The following SHC3 variants were observed in gnomAD, a reference collection of about 807,000 sequenced individuals.
SHC3 encodes the protein SHC adaptor protein 3.
Under a neutral mutation model 60.4 loss-of-function variants are expected in SHC3, and 15 were observed. The observed-to-expected ratio is 0.25, with a 90% CI of 0.17 to 0.38. The LOEUF (loss-of-function observed/expected upper bound fraction) is 0.38, where lower values mean the gene tolerates loss of function less well. Among genes scored for constraint, SHC3 ranks in the 10% least tolerant of loss-of-function variants. The pLI is 1.00. For missense variants in SHC3, 677 were observed against 786.1 expected, an observed-to-expected ratio of 0.86 and a Z score of 1.66; for synonymous variants, 294 against 325.9, an observed-to-expected ratio of 0.90 and a Z score of 1.05.
intron 2 of SHC3, among the ~76,000 whole-genome samples, chr9:89,111,398 T>G (rs763694914): frequency 3.9e-5 from 6 of 152,138 alleles, no homozygotes; most frequent in Non-Finnish European, 7.3e-5. Flanking sequence ...AATAAATGAC[T>G]GACTAAGAAA....
intron 1 of SHC3, among the ~76,000 whole-genome samples, chr9:89,115,729 C>T (rs986534802): frequency 6.6e-6 from 1 of 152,106 alleles, no homozygotes; most frequent in Non-Finnish European, 1.5e-5. Context: ...AATACCAGGA[C>T]CACTTTCAAA....
At chr9:89,017,074 A>G (rs1281931402) in intron 11 of SHC3, among the ~76,000 whole-genome samples, 1 of 152,250 alleles carries the variant, frequency 6.6e-6, no homozygotes, top group Non-Finnish European at 1.5e-5. Flanking sequence ...CATCCTGTCC[A>G]AAGTAATTTA....
At chr9:89,063,999 T>C (rs796066880) in intron 6 of SHC3, among the ~76,000 whole-genome samples, 7 of 152,316 alleles carry the variant, frequency 4.6e-5, no homozygotes, top group African/African-American at 1.7e-4. Flanking sequence ...ACTTGATGTC[T>C]ACTGAGGGCC....
intron 2 of SHC3, among the ~76,000 whole-genome samples, chr9:89,104,748 T>A (rs1375294728): frequency 1.3e-5 from 2 of 152,202 alleles, no homozygotes; most frequent in Non-Finnish European, 2.9e-5. Context: ...CCTCAGTTTA[T>A]CTATCCTCTC....
intron 1 of SHC3, among the ~76,000 whole-genome samples, chr9:89,133,070 A>G (rs1337618317): frequency 6.6e-6 from 1 of 152,154 alleles, no homozygotes; most frequent in Non-Finnish European, 1.5e-5. Flanking sequence ...CAAGAAAAAA[A>G]TCAAACAACC....
Position 89,178,402 on chromosome 9 carries a change from T to A in SHC3, c.59A>T (p.Asp20Val). Reference protein sequence around the residue: ...FRNDSVTSVDDLLHSLSVSGG... With the variant: ...FRNDSVTSVDVLLHSLSVSGG... ...GCTCACCGACAGGCTGTGGAGAAGG[T>A]CATCGACCGATGTCACCGAGTCATT... The change falls in exon 1 of 12, where the codon GAC (aspartate) becomes GTC (valine). Residue 20 changes from aspartate (D) to valine (V), a missense_variant. Physicochemically the swap from Asp to Val is radical, Grantham distance 152. Transcript: ENST00000375835. The surrounding 1 kb of genome is among the most constrained non-coding windows in gnomAD (Gnocchi z 6.9). The A allele has an allele frequency of 6.5e-7, 1 of 1,548,676 alleles. No individual in the cohort carries two copies. The highest frequency in any genetic ancestry group is 8.7e-7 in the Non-Finnish European group (1 of 1,148,236).
intron 1 of SHC3, among the ~76,000 whole-genome samples, chr9:89,114,597 A>T (rs564733138): frequency 1.3e-5 from 2 of 152,264 alleles, no homozygotes; most frequent in South Asian, 4.1e-4. Flanking sequence ...TATATAAGAG[A>T]TCTGAGCATC....
chr9:89,111,643 GTAT>G (rs1825948467), intron 2 of SHC3, among the ~76,000 whole-genome samples: 1 of 151,780 alleles, frequency 6.6e-6, no homozygotes, highest in African/African-American at 2.4e-5. Flanking sequence ...GGAGGAAGAG[GTAT>G]TATTATGGTA....
chr9:89,107,419 G>A (rs1484619192), intron 2 of SHC3, among the ~76,000 whole-genome samples: 1 of 152,180 alleles, frequency 6.6e-6, no homozygotes, highest in African/African-American at 2.4e-5. Flanking sequence ...AAGCCAACAC[G>A]AGGGTACAGT....
intron 2 of SHC3, among the ~76,000 whole-genome samples, chr9:89,091,756 A>G (rs1800686648): frequency 6.6e-6 from 1 of 152,194 alleles, no homozygotes; most frequent in Admixed American, 6.5e-5. Flanking sequence ...ATAATTCCAC[A>G]TAACTCCCCA....
chr9:89,049,819 A>T (rs768972650), intron 7 of SHC3, among the ~76,000 whole-genome samples: 1 of 152,200 alleles, frequency 6.6e-6, no homozygotes, highest in African/African-American at 2.4e-5. Flanking sequence ...CCGAGCTGTA[A>T]CCAATCCAGC....
At chr9:89,043,355 G>T (rs182144822) in intron 9 of SHC3, among the ~76,000 whole-genome samples, 3 of 152,346 alleles carry the variant, frequency 2.0e-5, no homozygotes, top group Admixed American at 2.0e-4. Context: ...AGTCTAGTCA[G>T]ATTACGCATC....
At chr9:89,135,834 C>A (rs191575717) in intron 1 of SHC3, among the ~76,000 whole-genome samples, 1 of 152,246 alleles carries the variant, frequency 6.6e-6, no homozygotes, top group East Asian at 1.9e-4. Context: ...CAGCTAGCAA[C>A]CCCATATCAG....
At chr9:89,150,442 T>C (rs557081984) in intron 1 of SHC3, among the ~76,000 whole-genome samples, 3 of 152,336 alleles carry the variant, frequency 2.0e-5, no homozygotes, top group East Asian at 3.9e-4. Context: ...GTACAGTCCA[T>C]GTAAATGGAA....
chr9:89,150,602 T>A (rs912075402), intron 1 of SHC3, among the ~76,000 whole-genome samples: 1 of 152,244 alleles, frequency 6.6e-6, no homozygotes, highest in Non-Finnish European at 1.5e-5. Flanking sequence ...GTTCATCTAT[T>A]CAGCAATTGA....
intron 7 of SHC3, among the ~76,000 whole-genome samples, chr9:89,050,431 A>C (rs563327720): frequency 6.6e-6 from 1 of 152,284 alleles, no homozygotes; most frequent in Admixed American, 6.5e-5. Flanking sequence ...GACTACAGAC[A>C]TGCATCACCA....
intron 2 of SHC3, among the ~76,000 whole-genome samples, chr9:89,112,312 A>T (rs994716808): frequency 6.6e-6 from 1 of 152,228 alleles, no homozygotes; most frequent in Non-Finnish European, 1.5e-5. Context: ...ATATGTCTGC[A>T]GCTAAATTAT....
intron 11 of SHC3, among the ~76,000 whole-genome samples, chr9:89,024,167 C>A (rs2118649812): frequency 6.6e-6 from 1 of 152,322 alleles, no homozygotes; most frequent in Non-Finnish European, 1.5e-5. Flanking sequence ...TCAGGATGCT[C>A]CCCTGATGTG....
At chr9:89,147,926 A>T (rs1387805565) in intron 1 of SHC3, among the ~76,000 whole-genome samples, 1 of 152,184 alleles carries the variant, frequency 6.6e-6, no homozygotes, top group Non-Finnish European at 1.5e-5. Context: ...TCACATGGGC[A>T]GGCTGTGCCT....
Sources: allele counts gnomAD v4.1 joint callset (sites outside exome capture counted in the v4.1 genomes callset), GRCh38; gene constraint gnomAD v4.1.1; non-coding constraint Gnocchi (gnomAD v3.1); transcripts MANE v1.5; gene names NCBI Gene and HGNC (gene_info 2026-07-23, HGNC 2026-07-21).